The following ACTR3C variants were observed in gnomAD, a reference collection of about 807,000 sequenced individuals.
ACTR3C encodes actin related protein 3C, also known as actin-related protein 3C.
In ACTR3C, 18 loss-of-function variants were observed where a neutral mutation model predicts 26.3. The observed-to-expected ratio is 0.68, with a 90% CI of 0.47 to 1.01. The LOEUF is 1.01. Ranked by LOEUF, ACTR3C falls within the 50% of genes least tolerant of loss-of-function variation. The pLI is 0.00. For synonymous variants in ACTR3C, 55 were observed against 94.5 expected (o/e 0.58, Z 2.42); for missense variants, 184 against 250.7 (o/e 0.73, Z 1.80).
At chr7:150,306,017 A>G (rs1251106123) in intron 1 of ACTR3C, among the ~76,000 whole-genome samples, 1 of 152,158 alleles carries the variant, frequency 6.6e-6, no homozygotes, top group East Asian at 1.9e-4. Flanking sequence ...GAAATTTACC[A>G]TTCTCATCAC....
the ACTR3C span, among the ~76,000 whole-genome samples, chr7:150,102,140 T>C: frequency 1.1e-4 from 17 of 151,782 alleles, no homozygotes; most frequent in Middle Eastern, 3.4e-3. Flanking sequence ...TCATTCTCCC[T>C]GGATACTAAG....
the ACTR3C span, among the ~76,000 whole-genome samples, chr7:150,008,328 C>T: frequency 2.0e-4 from 31 of 152,306 alleles, no homozygotes; most frequent in East Asian, 3.7e-3. Flanking sequence ...CCGGGCTGGA[C>T]GTGCTCTGAG....
At chr7:150,121,000 T>C in the ACTR3C span, among the ~76,000 whole-genome samples, 2 of 152,176 alleles carry the variant, frequency 1.3e-5, no homozygotes, top group South Asian at 4.1e-4. Flanking sequence ...ATTATCTCAA[T>C]AGATGCAGAA....
chr7:150,176,392 C>T, the ACTR3C span, among the ~76,000 whole-genome samples: 19 of 150,766 alleles, frequency 1.3e-4, 2 homozygotes, highest in African/African-American at 3.2e-4. Context: ...AATACTCTTC[C>T]GCCATTTCCT....
chr7:149,887,610 A>C, the ACTR3C span, among the ~76,000 whole-genome samples: 1 of 152,166 alleles, frequency 6.6e-6, no homozygotes, highest in East Asian at 1.9e-4. Context: ...TGGATGGCCT[A>C]CTGGGCCCAG....
the ACTR3C span, among the ~76,000 whole-genome samples, chr7:149,989,902 G>T: frequency 6.6e-6 from 1 of 152,080 alleles, no homozygotes; most frequent in Admixed American, 6.5e-5. Context: ...CTCTAACACT[G>T]TGTGAGGGTT....
At chr7:150,235,988 G>A in the ACTR3C span, among the ~76,000 whole-genome samples, 1 of 150,354 alleles carries the variant, frequency 6.7e-6, no homozygotes, top group Non-Finnish European at 1.5e-5. Flanking sequence ...CTTACCTTTT[G>A]TGCATTATAT....
At chr7:149,961,042 C>T in the ACTR3C span, among the ~76,000 whole-genome samples, 1 of 150,410 alleles carries the variant, frequency 6.6e-6, no homozygotes, top group Non-Finnish European at 1.5e-5. Flanking sequence ...GTGGTACTCA[C>T]AGGAAGTGCA....
At chr7:150,266,004 T>G (rs1205407213) in intron 6 of ACTR3C, among the ~76,000 whole-genome samples, 28 of 151,656 alleles carry the variant, frequency 1.8e-4, no homozygotes, top group Admixed American at 1.8e-3. Context: ...AACTTTAATC[T>G]GCTGTTCCTA....
the ACTR3C span, among the ~76,000 whole-genome samples, chr7:150,032,075 C>G: frequency 6.6e-6 from 1 of 152,148 alleles, no homozygotes; most frequent in African/African-American, 2.4e-5. Context: ...CTTGTTGGAG[C>G]TGGTTTAAGT....
At chr7:150,006,803 A>C in the ACTR3C span, among the ~76,000 whole-genome samples, 1 of 152,228 alleles carries the variant, frequency 6.6e-6, no homozygotes, top group South Asian at 2.1e-4. Flanking sequence ...GTCTGTATTT[A>C]AAATGAAACA....
the ACTR3C span, among the ~76,000 whole-genome samples, chr7:149,907,485 T>TCTCTCTCTCTCTCTCTCC: frequency 1.7e-4 from 11 of 64,980 alleles, no homozygotes; most frequent in African/African-American, 4.8e-4. Flanking sequence ...CTCTTCTCTC[T>TCTCTCTCTCTCTCTCTCC]CTCTCTCTCT....
the ACTR3C span, among the ~76,000 whole-genome samples, chr7:150,069,977 G>A: frequency 1.3e-5 from 2 of 152,290 alleles, no homozygotes; most frequent in South Asian, 4.1e-4. Context: ...CAAGAGGAGA[G>A]CGTCAGATCC....
chr7:150,144,449 C>A, the ACTR3C span, among the ~76,000 whole-genome samples: 2 of 152,140 alleles, frequency 1.3e-5, no homozygotes, highest in Non-Finnish European at 2.9e-5. The surrounding 1 kb of genome is among the most constrained non-coding windows in gnomAD (Gnocchi z 4.6). Flanking sequence ...GGAAATATTT[C>A]TGGCTGGGAT....
the ACTR3C span, among the ~76,000 whole-genome samples, chr7:150,114,798 TTC>T: frequency 1.3e-5 from 2 of 152,112 alleles, no homozygotes; most frequent in African/African-American, 2.4e-5. Context: ...TTTTCTCCCT[TTC>T]TCTCTCTGGA....
At chr7:149,941,558 GA>G in the ACTR3C span, among the ~76,000 whole-genome samples, 1 of 152,184 alleles carries the variant, frequency 6.6e-6, no homozygotes, top group South Asian at 2.1e-4. Context: ...TTTCTCTGAA[GA>G]ACTCAGCCAC....
the ACTR3C span, among the ~76,000 whole-genome samples, chr7:149,919,166 A>T: frequency 6.6e-6 from 1 of 151,268 alleles, no homozygotes; most frequent in African/African-American, 2.4e-5. Context: ...GTTTCATTTA[A>T]TTTTTTTTGT....
chr7:149,991,957 TCCCAG>T, the ACTR3C span, among the ~76,000 whole-genome samples: 20 of 141,384 alleles, frequency 1.4e-4, no homozygotes, highest in East Asian at 2.2e-4. Flanking sequence ...GTGCCACCAC[TCCCAG>T]CCTCAAACCT....
At chr7:149,909,063 T>G in the ACTR3C span, among the ~76,000 whole-genome samples, 1 of 151,540 alleles carries the variant, frequency 6.6e-6, no homozygotes, top group Non-Finnish European at 1.5e-5. Flanking sequence ...ATTACATGCG[T>G]GAGCCACCAC....
Sources: gnomAD v4.1 joint callset for allele counts (sites outside exome capture counted in the v4.1 genomes callset) on GRCh38, gnomAD v4.1.1 for gene constraint, Gnocchi (gnomAD v3.1) non-coding constraint, MANE v1.5 for transcripts, NCBI Gene and HGNC (gene_info 2026-07-23, HGNC 2026-07-21) for gene names.